Variants in ANK3 observed in about 807,000 individuals in gnomAD.
ANK3 encodes ankyrin-3.
ANK3 carries 57 observed loss-of-function variants against 370.9 expected under a neutral mutation model. The observed-to-expected ratio is 0.15, with a 90% CI of 0.12 to 0.19. The LOEUF is 0.19. Among genes scored for constraint, ANK3 ranks in the 10% least tolerant of loss-of-function variants. ANK3 has a pLI of 1.00. For missense variants in ANK3, 4,439 were observed against 5,302.1 expected, an observed-to-expected ratio of 0.84 and a Z score of 5.06; for synonymous variants, 1,929 against 1,946.3, an observed-to-expected ratio of 0.99 and a Z score of 0.23.
At position 60,114,284 on chromosome 10, in the gene ANK3, G is replaced by A. The variant is rs149682716; in HGVS notation, c.2889C>T (p.Tyr963=). 862 of 1,609,334 alleles carry A rather than the reference G, an allele frequency of 5.4e-4. 3 individuals carry two copies. The African/African-American group carries it at 9.8e-3, about 18-fold the overall frequency. Residue 963 remains tyrosine (Y), a synonymous_variant, in exon 26 of 44, where the codon TAC becomes TAT. Coordinates refer to ENST00000280772, the MANE Select transcript of ANK3 (RefSeq NM_020987.5). The stretch of plus-strand genomic sequence containing the variant: ...TGTCTAAGGTGTCTGCAGCCCAGCT[G>A]TAATGTCTAAGAGAATCTGAATCAA... The part of the protein sequence containing the change: ...REFDSDSLRH[Y]SWAADTLDNV...
At chr10:60,194,777 A>G (rs1207121958) in intron 16 of ANK3, among the ~76,000 whole-genome samples, 1 of 152,222 alleles carries the variant, frequency 6.6e-6, no homozygotes, top group African/African-American at 2.4e-5. Context: ...TGTCAGGGTC[A>G]GAAACTGTGG....
chr10:60,128,248 G>A (rs973301534), intron 25 of ANK3, among the ~76,000 whole-genome samples: 1 of 152,120 alleles, frequency 6.6e-6, no homozygotes, highest in Non-Finnish European at 1.5e-5. Context: ...CTTGCACTGA[G>A]CAATGCAGAT....
intron 1 of ANK3, among the ~76,000 whole-genome samples, chr10:60,307,803 T>A (rs1228522973): frequency 6.6e-6 from 1 of 152,238 alleles, no homozygotes; most frequent in African/African-American, 2.4e-5. Flanking sequence ...CATGTAATAA[T>A]TTAAAGCATT....
At position 60,435,379 on chromosome 10, in the gene ANK3, T is replaced by C. The variant is rs184713811; in HGVS notation, c.97-155740A>G. 2.0e-3 allele frequency among the ~76,000 whole-genome samples: 308 copies of C among 152,326 alleles called. 4 individuals are homozygous for C. The highest frequency in any genetic ancestry group is 0.016 in the Admixed American group (244 of 15,298). On this transcript the variant is annotated intron_variant, in intron 2 of 43. Transcript: ENST00000373827. ...CAAATTTAGTTCTGTCTCCATATTA[T>C]TTTCTCTTACTTCCAGCACATTTTC...
At chr10:60,038,222 C>T (rs906515494) in intron 43 of ANK3, among the ~76,000 whole-genome samples, 3 of 152,154 alleles carry the variant, frequency 2.0e-5, no homozygotes, top group Non-Finnish European at 2.9e-5. Flanking sequence ...CATGGTGAAA[C>T]CCCGTCTCTA....
At chr10:60,304,882 T>C (rs756046744) in intron 1 of ANK3, among the ~76,000 whole-genome samples, 4 of 152,124 alleles carry the variant, frequency 2.6e-5, no homozygotes, top group Non-Finnish European at 5.9e-5. Flanking sequence ...AGGCACTTAG[T>C]ATGTGCTGGA....
intron 2 of ANK3, among the ~76,000 whole-genome samples, chr10:60,527,355 C>T (rs12254637): frequency 0.021 from 3,167 of 152,132 alleles, 121 homozygotes; most frequent in African/African-American, 0.072. Flanking sequence ...TGTAACCATA[C>T]GCAGGAGAAG....
chr10:60,101,031 C>T (rs1309255952), intron 28 of ANK3, among the ~76,000 whole-genome samples: 2 of 152,180 alleles, frequency 1.3e-5, no homozygotes, highest in Non-Finnish European at 2.9e-5. Context: ...AATCCCCCCA[C>T]CTCAGCCTCC....
In ANK3 at chr10:60,200,212, G is replaced by C; in HGVS notation, c.1408C>G (p.Leu470Val). ...TGGCCGGAGCGAGCTGCCATGTGCA[G>C]TGCTGTTTCTCCTCTCTGGGGAACA... ...NTTNVRGETA[L>V]HMAARSGQAE... Residue 470 changes from leucine (L) to valine (V), a missense_variant, in exon 13 of 44, where the codon CTG becomes GTG. Leu to Val is a conservative substitution (Grantham distance 32, BLOSUM62 1). Around this residue, in one of 13 missense-constraint regions of ANK3, gnomAD observed 227 missense variants for 377.6 expected, o/e 0.60. Transcript: ENST00000280772. 2 of 1,614,076 alleles carry C rather than the reference G, an allele frequency of 1.2e-6. No individual in the cohort carries two copies. Among genetic ancestry groups the C allele is most frequent in the Non-Finnish European group, 1.7e-6 (2 of 1,179,938 alleles).
chr10:60,084,713 A>T lies in ANK3; in HGVS notation c.3963T>A (p.Asn1321Lys). 1 of 1,613,846 alleles carries T rather than the reference A, an allele frequency of 6.2e-7. No individual in the cohort carries two copies. Among genetic ancestry groups the T allele is most frequent in the Non-Finnish European group, 8.5e-7 (1 of 1,179,906 alleles). Reference protein sequence around the residue: ...MAKFVVFAKMNDPVESSLRCF... With the variant: ...MAKFVVFAKMKDPVESSLRCF... ...ATCGCAAGGAAGATTCTACGGGATC[A>T]TTCATTTTGGCAAAAACAACAAACT... is the stretch of plus-strand genomic sequence containing the variant. The change falls in exon 32 of 44, where the codon AAT becomes AAA. Residue 1321 changes from asparagine (N) to lysine (K), a missense_variant. Transcript: ENST00000280772.
chr10:60,432,315 C>T (rs548964088), intron 2 of ANK3, among the ~76,000 whole-genome samples: 29 of 152,246 alleles, frequency 1.9e-4, no homozygotes, highest in African/African-American at 7.0e-4. Flanking sequence ...GAGTTTGGTG[C>T]CCCCAGTAGA....
chr10:60,239,235 G>A (rs1450495921), intron 7 of ANK3, among the ~76,000 whole-genome samples: 1 of 152,030 alleles, frequency 6.6e-6, no homozygotes. Context: ...GATAATGAAT[G>A]GTCAAGAATT....
chr10:60,128,537 C>T (rs1166435756), intron 25 of ANK3, among the ~76,000 whole-genome samples: 1 of 151,918 alleles, frequency 6.6e-6, no homozygotes, highest in Non-Finnish European at 1.5e-5. Flanking sequence ...GCACCACTAC[C>T]ACTCGGCTAA....
chr10:60,395,576 CTT>C (rs751428050), intron 2 of ANK3, among the ~76,000 whole-genome samples: 1 of 124,126 alleles, frequency 8.1e-6, no homozygotes, highest in East Asian at 2.4e-4. Flanking sequence ...TTCTTTCTTT[CTT>C]TCTTTCTTTC....
At chr10:60,389,921 G>T (rs2062953175), upstream of ANK3, 1 of 933,644 alleles carries the variant, frequency 1.1e-6, no homozygotes, top group Non-Finnish European at 1.3e-6. Flanking sequence ...TTCTCCAAAG[G>T]GGAAGAATCA....
At chr10:60,327,819 C>T (rs1254441586) in intron 1 of ANK3, among the ~76,000 whole-genome samples, 2 of 152,164 alleles carry the variant, frequency 1.3e-5, no homozygotes, top group African/African-American at 4.8e-5. Flanking sequence ...ACTCATTGGA[C>T]TTTCTGCTTT....
intron 2 of ANK3, among the ~76,000 whole-genome samples, chr10:60,395,618 TTCTC>T (rs71015791): frequency 0.013 from 1,677 of 126,170 alleles, 34 homozygotes; most frequent in Middle Eastern, 0.035. Context: ...CTCTCTTTCG[TTCTC>T]TCTCTCTCTC....
chr10:60,693,563 A>G (rs1408088537), intron 1 of ANK3, among the ~76,000 whole-genome samples: 6 of 152,264 alleles, frequency 3.9e-5, no homozygotes, highest in Non-Finnish European at 8.8e-5. Context: ...GAGAACGGGC[A>G]GACTGCCTCC....
intron 18 of ANK3, among the ~76,000 whole-genome samples, chr10:60,178,548 G>A (rs1396251199): frequency 6.6e-6 from 1 of 152,118 alleles, no homozygotes; most frequent in African/African-American, 2.4e-5. Context: ...TGATGACTTT[G>A]TTATTATAAT....
Sources: gnomAD v4.1 joint callset for allele counts (sites outside exome capture counted in the v4.1 genomes callset) on GRCh38, gnomAD v4.1.1 for gene constraint, gnomAD v4.1.1 regional missense constraint, MANE v1.5 for transcripts, NCBI Gene and HGNC (gene_info 2026-07-23, HGNC 2026-07-21) for gene names.